Variants in MROH2A observed in about 807,000 individuals in gnomAD.
MROH2A encodes the protein maestro heat-like repeat-containing protein family member 2A.
In MROH2A, 174 loss-of-function variants were observed where a neutral mutation model predicts 200.4. The ratio of observed to expected loss-of-function variants is 0.87; its 90% CI spans 0.77 to 0.98. MROH2A has a LOEUF of 0.98. MROH2A is among the 50% of genes least tolerant of loss of function. The probability of loss-of-function intolerance (pLI) is 0.00; values close to 1 mark genes in which losing one functional copy is unlikely to be tolerated. For missense variants in MROH2A, 2,045 were observed against 2,139.6 expected (o/e 0.96, Z 0.87); for synonymous variants, 829 against 840.4 (o/e 0.99, Z 0.23).
intron 14 of MROH2A, among the ~76,000 whole-genome samples, chr2:233,801,193 A>G (rs1379369054): frequency 6.6e-6 from 1 of 152,108 alleles, no homozygotes; most frequent in Non-Finnish European, 1.5e-5. Context: ...TTCCCTTGGA[A>G]TTCACCATGC....
chr2:233,818,559 G>C, intron 28 of MROH2A, 93 bp from the exon 29 acceptor site: 1 of 788,612 alleles, frequency 1.3e-6, no homozygotes, highest in South Asian at 1.5e-5. Flanking sequence ...GGGTGGCTCA[G>C]GCCTGCAAAG....
chr2:233,799,927 G>C, intron 13 of MROH2A, 28 bp downstream of exon 13: 1 of 1,550,244 alleles, frequency 6.5e-7, no homozygotes, highest in African/African-American at 1.4e-5. Flanking sequence ...GCAGACCGCA[G>C]AGCAGCTGGA....
chr2:233,819,166 C>T (rs1433497812), intron 29 of MROH2A, 151 bp from the exon 30 acceptor site: 2 of 804,012 alleles, frequency 2.5e-6, no homozygotes, highest in Non-Finnish European at 3.8e-6. Context: ...AGACCAGCCC[C>T]TTCTGGCTCA....
In MROH2A at chr2:233,807,314, C is replaced by G; in HGVS notation, c.2053-109C>G. ...CTGTAAACGTGTGTGCAAGTATCTT[C>G]TGCACATTAAAATAAATTGAAAAAT... On this transcript the variant is annotated intron_variant, in intron 19 of 41. Coordinates refer to ENST00000389758, the MANE Select transcript of MROH2A (RefSeq NM_001394639.1). The surrounding 1 kb of genome is among the most constrained non-coding windows in gnomAD (Gnocchi z 4.3). 1.1e-5 allele frequency: 13 copies of G among 1,214,890 alleles called. No homozygotes were observed. Among genetic ancestry groups the G allele is most frequent in the Non-Finnish European group, 1.5e-5 (13 of 894,466 alleles). 75.3% of individuals were successfully genotyped at this position (1,214,890 alleles called of 1,614,324 possible). A position where few individuals can be genotyped will look rare whatever the true frequency, so the allele number is the denominator to read the frequency against.
At chr2:233,789,016 C>T (rs1478851356) in intron 3 of MROH2A, among the ~76,000 whole-genome samples, 1 of 150,480 alleles carries the variant, frequency 6.6e-6, no homozygotes, top group Non-Finnish European at 1.5e-5. Context: ...ATACGACCCT[C>T]CAGGTGTGAT....
chr2:233,823,691 G>C, intron 35 of MROH2A, 27 bp downstream of exon 35: 3 of 1,545,728 alleles, frequency 1.9e-6, no homozygotes, highest in Non-Finnish European at 2.6e-6. Flanking sequence ...GGGTGTGGGC[G>C]GGGTGCAAGC....
chr2:233,804,367 A>C, intron 17 of MROH2A, 128 bp from the exon 18 acceptor site: 1 of 1,303,240 alleles, frequency 7.7e-7, no homozygotes, highest in Middle Eastern at 1.9e-4. Flanking sequence ...GTGCAATGCA[A>C]CGTGTGATGT....
At position 233,811,897 on chromosome 2, in the gene MROH2A, A is replaced by G. The variant is rs1703179660; in HGVS notation, c.2589A>G (p.Glu863=). 1.9e-6 allele frequency: 3 copies of G among 1,550,404 alleles called. No homozygotes were observed. The East Asian group carries it at 7.3e-5, about 38-fold the overall frequency. ...TTGGACAGGCGGTCATCAAGGCAGAACCGACTGACAACCTGGTTTCTCCAG... is the reference window on the plus strand; with the variant it reads ...TTGGACAGGCGGTCATCAAGGCAGAGCCGACTGACAACCTGGTTTCTCCAG... ...TSIIVAVIKA[E]PTDNLVSPVR... The change falls in exon 24 of 42, where the codon GAA becomes GAG. Residue 863 remains glutamate, a synonymous_variant. Coordinates refer to ENST00000389758, the MANE Select transcript of MROH2A (RefSeq NM_001394639.1).
chr2:233,803,523 C>A (rs1465825030), intron 16 of MROH2A, 35 bp downstream of exon 16: 23 of 1,548,880 alleles, frequency 1.5e-5, no homozygotes, highest in Non-Finnish European at 1.9e-5. Context: ...CCTGGCCTGG[C>A]AAGGCCATGC....
rs1367389915 is a variant in MROH2A, at chr2:233,807,833, C to T, written c.2273C>T (p.Ser758Phe). Residue 758 changes from serine (S) to phenylalanine (F), a missense_variant, in exon 21 of 42, where the codon TCC (serine) becomes TTC (phenylalanine). Ser to Phe is a radical substitution (Grantham distance 155). This residue lies in a region of MROH2A where 1,201 missense variants were observed against 1,311.3 expected (regional missense o/e 0.92). Coordinates refer to ENST00000389758, the MANE Select transcript of MROH2A (RefSeq NM_001394639.1). The surrounding 1 kb of genome is among the most constrained non-coding windows in gnomAD (Gnocchi z 4.3). ...GAGAGGATCCAGGAGTCAGAGCAGTCCTGGCAGATCAGTGCTTGGCGGGTA... is the reference window on the plus strand; with the variant it reads ...GAGAGGATCCAGGAGTCAGAGCAGTTCTGGCAGATCAGTGCTTGGCGGGTA... The part of the protein sequence containing the change: ...FEERIQESEQ[S>F]WQISAWRKDH... 1 of 1,550,998 alleles carries T rather than the reference C, an allele frequency of 6.4e-7. No individual in the cohort carries two copies.
upstream of MROH2A, among the ~76,000 whole-genome samples, chr2:233,775,936 C>T (rs1438326635): frequency 2.0e-5 from 3 of 152,186 alleles, no homozygotes; most frequent in African/African-American, 7.2e-5. Context: ...TTATAGGGGG[C>T]TTTTCCCCCT....
chr2:233,819,502 G>A lies in MROH2A; in HGVS notation c.3357+33G>A, dbSNP rs371081783. 7 of 1,543,098 alleles carry A rather than the reference G, an allele frequency of 4.5e-6. No individual in the cohort carries two copies. In the African/African-American group the frequency reaches 9.6e-5, roughly 21 times the overall value. On this transcript the variant is annotated intron_variant, in intron 30 of 41. Coordinates refer to ENST00000389758, the MANE Select transcript of MROH2A (RefSeq NM_001394639.1). ...AGCCGCGGCAGGGCCACCAGAGAGA[G>A]GGGCTGGGGCTGCCTGGTGTGCCCA...
intron 3 of MROH2A, among the ~76,000 whole-genome samples, chr2:233,785,145 C>CAAA (rs201302664): frequency 7.1e-6 from 1 of 140,816 alleles, no homozygotes; most frequent in African/African-American, 2.6e-5. Flanking sequence ...GACTCCATCT[C>CAAA]AAAAAAAAAA....
At position 233,793,742 on chromosome 2, in the gene MROH2A, T is replaced by C; in HGVS notation, c.740T>C (p.Met247Thr). ...CTGGAGGAGAGCGTGTACCCCGTGA[T>C]GACTGAGGAGGAGTTTGCCCTGAAG... ...KHLEESVYPV[M>T]TEEEFALKVF... The change falls in exon 7 of 42, where the codon ATG becomes ACG. Residue 247 changes from methionine to threonine, a missense_variant. Physicochemically the swap from Met to Thr is moderately conservative, Grantham distance 81 (BLOSUM62 -1). Coordinates refer to ENST00000389758, the MANE Select transcript of MROH2A (RefSeq NM_001394639.1). 6.7e-7 allele frequency: 1 copy of C among 1,499,038 alleles called. No individual in the cohort carries two copies. 92.9% of individuals were successfully genotyped at this position (1,499,038 alleles called of 1,614,324 possible).
At chr2:233,803,970 T>G in intron 16 of MROH2A, 81 bp from the exon 17 acceptor site, 1 of 1,502,690 alleles carries the variant, frequency 6.7e-7, no homozygotes, top group South Asian at 1.2e-5. Flanking sequence ...AGCTCCTCCC[T>G]TTAAAAATGA....
chr2:233,823,432 G>A lies in MROH2A; in HGVS notation c.4005-124G>A, dbSNP rs187516906. 168 of 1,203,984 alleles carry A rather than the reference G, an allele frequency of 1.4e-4. No homozygotes were observed. The African/African-American group carries it at 1.9e-3, about 14-fold the overall frequency. 74.6% of individuals were successfully genotyped at this position (1,203,984 alleles called of 1,614,324 possible). A position where few individuals can be genotyped will look rare whatever the true frequency, so the allele number is the denominator to read the frequency against. ...GGAGGGAGAAACCCAGAGATGTTAC[G>A]ACATCTTTCCGGGGTTATCTTGCCA... On this transcript the variant is annotated intron_variant, in intron 34 of 41. Coordinates refer to ENST00000389758, the MANE Select transcript of MROH2A (RefSeq NM_001394639.1).
chr2:233,789,636 C>A lies in MROH2A; in HGVS notation c.408+8C>A, dbSNP rs997317797. 1 of 1,453,526 alleles carries A rather than the reference C, an allele frequency of 6.9e-7. No individual in the cohort carries two copies. The highest frequency in any genetic ancestry group is 1.5e-5 in the South Asian group (1 of 67,328). 90.0% of individuals were successfully genotyped at this position (1,453,526 alleles called of 1,614,324 possible). ...ATGAGGGAGATCCCAGAGGTAGGAC[C>A]CCAAGCTCCATCGGTGCCTTCCCTC... On this transcript the variant is annotated splice_region_variant and intron_variant, in intron 4 of 41. Transcript: ENST00000389758.
At chr2:233,788,938 C>CAAAAAAAA (rs56084976) in intron 3 of MROH2A, among the ~76,000 whole-genome samples, 1 of 47,486 alleles carries the variant, frequency 2.1e-5, no homozygotes, top group Non-Finnish European at 3.6e-5. Flanking sequence ...GACTCCGTCT[C>CAAAAAAAA]AAAAAAAAAA....
intron 3 of MROH2A, among the ~76,000 whole-genome samples, chr2:233,784,827 G>A (rs1701113746): frequency 6.6e-6 from 1 of 152,142 alleles, no homozygotes; most frequent in African/African-American, 2.4e-5. Flanking sequence ...TTCCTTTATA[G>A]CAATGCAAGA....
Sources: gnomAD v4.1 joint callset for allele counts (sites outside exome capture counted in the v4.1 genomes callset) on GRCh38, gnomAD v4.1.1 for gene constraint, gnomAD v4.1.1 regional missense constraint, Gnocchi (gnomAD v3.1) non-coding constraint, MANE v1.5 for transcripts, NCBI Gene and HGNC (gene_info 2026-07-23, HGNC 2026-07-21) for gene names.